ACAD9: variants seen among roughly 807,000 people sequenced by gnomAD.
ACAD9 encodes acyl-CoA dehydrogenase family member 9.
ACAD9 carries 53 observed loss-of-function variants against 70.2 expected under a neutral mutation model. That is an observed-to-expected ratio of 0.75 (90% CI 0.61 to 0.95). ACAD9 has a LOEUF of 0.95. ACAD9 is among the 40% of genes least tolerant of loss of function. The pLI, the probability that ACAD9 is intolerant of heterozygous loss-of-function variation, is 0.00. For missense variants in ACAD9, 777 were observed against 802.8 expected, an observed-to-expected ratio of 0.97 and a Z score of 0.39; for synonymous variants, 313 against 312.1, an observed-to-expected ratio of 1.00 and a Z score of -0.03.
rs370469605 is a variant in ACAD9, at chr3:128,895,438, T to C, written c.453+22T>C. ...CAAGGTCAGGTATCTGGGGATTCTG[T>C]GTGGTGCTCTCTGTAGGTCTTCTGG... On this transcript the variant is annotated intron_variant, in intron 4 of 17. Coordinates refer to ENST00000308982, the MANE Select transcript of ACAD9 (RefSeq NM_014049.5). 6.7e-5 allele frequency: 106 copies of C among 1,580,162 alleles called. No homozygotes were observed. The African/African-American group carries it at 1.3e-3, about 19-fold the overall frequency.
chr3:128,884,868 A>G (rs1935202504), intron 2 of ACAD9, 122 bp downstream of exon 2: 1 of 831,310 alleles, frequency 1.2e-6, no homozygotes, highest in East Asian at 2.6e-5. Context: ...TCCACTCATA[A>G]TATTTTGCTT....
In ACAD9 at chr3:128,912,635, C is replaced by T. The variant is rs376030326; in HGVS notation, c.*28C>T. On this transcript the variant is annotated 3_prime_UTR_variant, in exon 18 of 18. Coordinates refer to ENST00000308982, the MANE Select transcript of ACAD9 (RefSeq NM_014049.5). Reference sequence around the variant, plus strand: ...CAGGGGACAGTGTCCCCTGCTACCGCCCGCCCCTACCCATGGCCCGTTGCT... The same window carrying T: ...CAGGGGACAGTGTCCCCTGCTACCGTCCGCCCCTACCCATGGCCCGTTGCT... The T allele has an allele frequency of 2.5e-6, 4 of 1,571,870 alleles. No individual in the cohort carries two copies. The highest frequency in any genetic ancestry group is 3.5e-6 in the Non-Finnish European group (4 of 1,141,570).
chr3:128,883,177 C>T (rs1320279039), intron 1 of ACAD9, among the ~76,000 whole-genome samples: 1 of 151,730 alleles, frequency 6.6e-6, no homozygotes, highest in Non-Finnish European at 1.5e-5. Flanking sequence ...CAGCCTCAAC[C>T]TCCCCAGGCT....
rs74735464 is a variant in ACAD9 at position 128,881,620 on chromosome 3, G to C, written c.150+1779G>C. Among the ~76,000 whole-genome samples, 607 of 152,302 alleles carry C rather than the reference G, an allele frequency of 4.0e-3. 6 individuals are homozygous for C. Among genetic ancestry groups the C allele is most frequent in the African/African-American group, 0.014 (587 of 41,558 alleles). On this transcript the variant is annotated intron_variant, in intron 1 of 17. Coordinates refer to ENST00000308982, the MANE Select transcript of ACAD9 (RefSeq NM_014049.5). ...TTGTCCCTAATGGCCATAGAAGTCA[G>C]TAATGACCTCTCTGTTATCAAATTG...
chr3:128,889,351 A>G (rs936592338), intron 2 of ACAD9, among the ~76,000 whole-genome samples: 12 of 152,032 alleles, frequency 7.9e-5, no homozygotes, highest in Admixed American at 6.6e-4. Context: ...AATAAGCCAT[A>G]CCATATAGCC....
chr3:128,898,554 C>T, intron 6 of ACAD9: 1 of 353,898 alleles, frequency 2.8e-6, no homozygotes. Flanking sequence ...TACAGGCACA[C>T]AGCTAACTCT....
chr3:128,902,614 T>C lies in ACAD9; in HGVS notation c.944T>C (p.Leu315Pro). 1 of 1,614,074 alleles carries C rather than the reference T, an allele frequency of 6.2e-7. No homozygotes were observed. Among genetic ancestry groups the C allele is most frequent in the Non-Finnish European group, 8.5e-7 (1 of 1,179,992 alleles). ...ATGGGCAGCGTCGTGGCTGGGCTGC[T>C]CAAGAGATTGATTGGTAGGTAAGTT... ...FSMGSVVAGL[L>P]KRLIEMTAEY... Residue 315 changes from leucine to proline, a missense_variant, in exon 9 of 18, where the codon CTC (leucine) becomes CCC (proline). By Grantham distance (98) the Leu-to-Pro change is moderately conservative. Coordinates refer to ENST00000308982, the MANE Select transcript of ACAD9 (RefSeq NM_014049.5). The surrounding 1 kb of genome is among the most constrained non-coding windows in gnomAD (Gnocchi z 4.0).
At chr3:128,895,460 C>T in intron 4 of ACAD9, 44 bp downstream of exon 4, 2 of 1,538,298 alleles carry the variant, frequency 1.3e-6, no homozygotes, top group Non-Finnish European at 8.8e-7. Flanking sequence ...TGTAGGTCTT[C>T]TGGAGTCACA....
At chr3:128,894,141 G>A (rs528921713) in intron 3 of ACAD9, among the ~76,000 whole-genome samples, 3 of 152,266 alleles carry the variant, frequency 2.0e-5, no homozygotes, top group African/African-American at 7.2e-5. Flanking sequence ...AGGTTCAAAG[G>A]GATAGACCAC....
At position 128,912,982 on chromosome 3, in the gene ACAD9, CCA is replaced by C. The variant is rs1936515354; in HGVS notation, c.*380_*381del. On this transcript the variant is annotated 3_prime_UTR_variant, in exon 18 of 18. Transcript: ENST00000308982. ...GGTGTGGATAGCCATTTCTGCTCAA[CCA>C]CACATTCTCTAAGAAACAGCTTGAA... The C allele has an allele frequency of 2.1e-6, 1 of 470,180 alleles. No homozygotes were observed. Among genetic ancestry groups the C allele is most frequent in the South Asian group, 1.5e-5 (1 of 64,942 alleles). 29.1% of individuals were successfully genotyped at this position (470,180 alleles called of 1,614,324 possible). A position where few individuals can be genotyped will look rare whatever the true frequency, so the allele number is the denominator to read the frequency against.
In ACAD9 at chr3:128,904,390, A is replaced by G; in HGVS notation, c.1034A>G (p.Lys345Arg). The G allele has an allele frequency of 6.2e-7, 1 of 1,614,250 alleles. No homozygotes were observed. ...RLSEFGLIQE[K>R]FALMAQKAYV... Reference sequence around the variant, plus strand: ...TGTTTTTTCTGAACACTCCAGGAGAAATTTGCACTGATGGCTCAGAAGGCT... The same window carrying G: ...TGTTTTTTCTGAACACTCCAGGAGAGATTTGCACTGATGGCTCAGAAGGCT... Residue 345 changes from lysine to arginine, a missense_variant, in exon 11 of 18, where the codon AAA becomes AGA. Physicochemically the swap from Lys to Arg is conservative, Grantham distance 26. Transcript: ENST00000308982.
Position 128,912,661 on chromosome 3 carries a change from G to T in ACAD9, c.*54G>T. On this transcript the variant is annotated 3_prime_UTR_variant, in exon 18 of 18. Coordinates refer to ENST00000308982, the MANE Select transcript of ACAD9 (RefSeq NM_014049.5). ...CCGCCCCTACCCATGGCCCGTTGCT[G>T]GATGACTGTTACTCTTTTTTCAGAA... 1 of 1,426,664 alleles carries T rather than the reference G, an allele frequency of 7.0e-7. No homozygotes were observed. The highest frequency in any genetic ancestry group is 1.1e-5 in the South Asian group (1 of 87,346). The allele number at this position is 1,426,664 out of a possible 1,614,324, so 88.4% of individuals were successfully genotyped here.
In ACAD9 at chr3:128,879,695, A is replaced by G; in HGVS notation, c.4A>G (p.Ser2Gly). ...AGGCTGGGGAACATCGGGCAGCATG[A>G]GCGGCTGCGGGCTCTTCCTGCGCAC... Reference protein sequence around the residue: MSGCGLFLRTTA... With the variant: MGGCGLFLRTTA... The change falls in exon 1 of 18, where the codon AGC (serine) becomes GGC (glycine). Residue 2 changes from serine to glycine, a missense_variant. Ser to Gly is a moderately conservative substitution (Grantham distance 56, BLOSUM62 0). Transcript: ENST00000308982. 1 of 1,612,394 alleles carries G rather than the reference A, an allele frequency of 6.2e-7. No homozygotes were observed. The highest frequency in any genetic ancestry group is 1.7e-5 in the Admixed American group (1 of 60,004).
At chr3:128,880,196 C>T (rs1462380680) in intron 1 of ACAD9, 2 of 449,910 alleles carry the variant, frequency 4.4e-6, no homozygotes, top group South Asian at 2.1e-5. Flanking sequence ...CAGCTTACAC[C>T]ATGTCCCTCC....
At chr3:128,889,188 A>AT (rs1294390502) in intron 2 of ACAD9, among the ~76,000 whole-genome samples, 3 of 151,258 alleles carry the variant, frequency 2.0e-5, no homozygotes, top group Non-Finnish European at 4.4e-5. Context: ...AACAAAAAAT[A>AT]TTTAACAGTG....
At chr3:128,881,421 G>A (rs375114196) in intron 1 of ACAD9, among the ~76,000 whole-genome samples, 3 of 152,228 alleles carry the variant, frequency 2.0e-5, no homozygotes, top group East Asian at 1.9e-4. Context: ...ACCCCCTCCC[G>A]CTGCATATGT....
At chr3:128,895,216 T>A in intron 3 of ACAD9, 94 bp from the exon 4 acceptor site, 1 of 940,540 alleles carries the variant, frequency 1.1e-6, no homozygotes, top group Non-Finnish European at 1.7e-6. Flanking sequence ...GATCTGGCAT[T>A]ACTTTATAAT....
At chr3:128,889,951 A>G (rs1056878944) in intron 2 of ACAD9, among the ~76,000 whole-genome samples, 2 of 152,044 alleles carry the variant, frequency 1.3e-5, no homozygotes, top group African/African-American at 2.4e-5. Flanking sequence ...CCTCCCGCAT[A>G]GCTAAGACTA....
intron 1 of ACAD9, among the ~76,000 whole-genome samples, chr3:128,884,184 G>A (rs1935177369): frequency 6.6e-6 from 1 of 152,198 alleles, no homozygotes; most frequent in African/African-American, 2.4e-5. Context: ...TTTCAGTAAG[G>A]AGTTTCCACA....
Sources: gnomAD v4.1 joint callset for allele counts (sites outside exome capture counted in the v4.1 genomes callset) on GRCh38, gnomAD v4.1.1 for gene constraint, Gnocchi (gnomAD v3.1) non-coding constraint, MANE v1.5 for transcripts, NCBI Gene and HGNC (gene_info 2026-07-23, HGNC 2026-07-21) for gene names.